SLC4A4: variants seen among roughly 807,000 people sequenced by gnomAD.
SLC4A4 encodes electrogenic sodium bicarbonate cotransporter 1.
SLC4A4 carries 27 observed loss-of-function variants against 111.5 expected under a neutral mutation model. The observed-to-expected ratio is 0.24, with a 90% CI of 0.18 to 0.33. The LOEUF is 0.33. Among genes scored for constraint, SLC4A4 ranks in the 10% least tolerant of loss-of-function variants. The pLI is 1.00. For synonymous variants in SLC4A4, 443 were observed against 463.4 expected, an observed-to-expected ratio of 0.96 and a Z score of 0.57; for missense variants, 909 against 1,315.5, an observed-to-expected ratio of 0.69 and a Z score of 4.78.
At position 71,097,622 on chromosome 4, in the gene SLC4A4, C is replaced by A. The variant is rs186008570; in HGVS notation, c.-2+4830C>A. On this transcript the variant is annotated intron_variant, in intron 2 of 26. Coordinates refer to the SLC4A4 transcript ENST00000649996. ...CACACTGCTTTCCACAATGGTTGAA[C>A]TAATTTACACTCCCACTAACAGTGT... Among the ~76,000 whole-genome samples the A allele has an allele frequency of 5.6e-4, 85 of 152,290 alleles. 1 individual carries two copies. In the East Asian group the frequency reaches 0.015, roughly 27 times the overall value.
intron 3 of SLC4A4, among the ~76,000 whole-genome samples, chr4:71,336,421 G>A (rs1467220797): frequency 1.3e-5 from 2 of 152,134 alleles, no homozygotes; most frequent in African/African-American, 4.8e-5. Flanking sequence ...TAAAGGTATA[G>A]GGAAATGGAA....
At chr4:71,490,937 G>A (rs915126872) in intron 15 of SLC4A4, among the ~76,000 whole-genome samples, 2 of 151,812 alleles carry the variant, frequency 1.3e-5, no homozygotes, top group Non-Finnish European at 2.9e-5. Flanking sequence ...GCAATAGAGT[G>A]AGACTATGTA....
chr4:71,144,243 G>T (rs1262544425), intron 2 of SLC4A4, among the ~76,000 whole-genome samples: 1 of 152,178 alleles, frequency 6.6e-6, no homozygotes, highest in Non-Finnish European at 1.5e-5. Context: ...GTTTGTCAAA[G>T]ATCAGATAGT....
chr4:71,378,144 A>G (rs1223163395), intron 6 of SLC4A4, among the ~76,000 whole-genome samples: 1 of 152,182 alleles, frequency 6.6e-6, no homozygotes, highest in East Asian at 1.9e-4. Context: ...ATTCAAGTTG[A>G]GATTTGGGTG....
rs369895008 is a variant in SLC4A4 at position 71,347,863 on chromosome 4, A to G, written c.390-2049A>G. On this transcript the variant is annotated intron_variant, in intron 4 of 25. Transcript: ENST00000264485. ...ATCTTGGGCTTAAATTCTATGACCA[A>G]ATATTCTATCCCTCAGAAAATAAGC... Among the ~76,000 whole-genome samples, 6 of 152,280 alleles carry G rather than the reference A, an allele frequency of 3.9e-5. No individual in the cohort carries two copies. The East Asian group carries it at 1.2e-3, about 29-fold the overall frequency.
chr4:71,162,916 A>G (rs1297243778), intron 2 of SLC4A4, among the ~76,000 whole-genome samples: 1 of 152,194 alleles, frequency 6.6e-6, no homozygotes, highest in East Asian at 1.9e-4. Context: ...GTTTGGGAAC[A>G]TTCTTTTTCA....
chr4:71,182,675 G>T (rs965637223), upstream of SLC4A4, among the ~76,000 whole-genome samples: 4 of 152,024 alleles, frequency 2.6e-5, no homozygotes, highest in Non-Finnish European at 1.5e-5. Context: ...ACCTTTCTGT[G>T]TCTGGGAAGT....
At chr4:71,095,199 G>T (rs1742506765) in intron 2 of SLC4A4, among the ~76,000 whole-genome samples, 1 of 152,198 alleles carries the variant, frequency 6.6e-6, no homozygotes, top group South Asian at 2.1e-4. Flanking sequence ...ACTCTTTGGT[G>T]AAATGCAGTA....
chr4:71,506,462 G>A (rs989679990), intron 16 of SLC4A4, among the ~76,000 whole-genome samples: 33 of 152,182 alleles, frequency 2.2e-4, no homozygotes, highest in African/African-American at 7.5e-4. Context: ...TTGTGAATGG[G>A]AGTTCATCTG....
At chr4:71,293,049 G>A (rs1380182969) in intron 3 of SLC4A4, among the ~76,000 whole-genome samples, 31 of 150,100 alleles carry the variant, frequency 2.1e-4, no homozygotes, top group African/African-American at 7.0e-4. Flanking sequence ...CACCATCTTG[G>A]CCAGGCTGGT....
chr4:71,338,750 G>C (rs1377735459), intron 3 of SLC4A4, among the ~76,000 whole-genome samples: 3 of 149,098 alleles, frequency 2.0e-5, no homozygotes, highest in Admixed American at 6.7e-5. Flanking sequence ...TATTTTACTT[G>C]GGCTTGTTTT....
intron 7 of SLC4A4, among the ~76,000 whole-genome samples, chr4:71,400,771 A>G (rs1209573522): frequency 6.6e-6 from 1 of 152,210 alleles, no homozygotes; most frequent in Non-Finnish European, 1.5e-5. Context: ...TAGGGCAAGA[A>G]AAAGGAAAGT....
chr4:71,358,321 A>C (rs1417875858), intron 6 of SLC4A4, among the ~76,000 whole-genome samples: 4 of 152,144 alleles, frequency 2.6e-5, no homozygotes, highest in African/African-American at 9.6e-5. Flanking sequence ...TCTGAAAAAA[A>C]AAAAAAAAGA....
At chr4:71,439,634 T>C (rs1285261353) in intron 7 of SLC4A4, among the ~76,000 whole-genome samples, 1 of 151,654 alleles carries the variant, frequency 6.6e-6, no homozygotes, top group African/African-American at 2.4e-5. Flanking sequence ...TCCTCCCCTT[T>C]TTCAGTGTTC....
chr4:71,153,178 T>A, intron 2 of SLC4A4, among the ~76,000 whole-genome samples: 1 of 151,718 alleles, frequency 6.6e-6, no homozygotes, highest in East Asian at 1.9e-4. Context: ...TGGAGTCTGA[T>A]GTTTGAGGGC....
At chr4:71,138,861 CCT>C (rs1743917108) in intron 2 of SLC4A4, among the ~76,000 whole-genome samples, 1 of 151,786 alleles carries the variant, frequency 6.6e-6, no homozygotes, top group African/African-American at 2.4e-5. Flanking sequence ...ACGGTGAAAC[CCT>C]GTCTCTACTG....
intron 4 of SLC4A4, among the ~76,000 whole-genome samples, chr4:71,348,540 A>T (rs1216698709): frequency 6.6e-6 from 1 of 152,164 alleles, no homozygotes; most frequent in Non-Finnish European, 1.5e-5. Context: ...GGGTCTTAGA[A>T]TTGTGGGTAA....
chr4:71,490,741 C>T (rs558754106), intron 15 of SLC4A4, among the ~76,000 whole-genome samples: 5 of 151,822 alleles, frequency 3.3e-5, no homozygotes, highest in East Asian at 3.9e-4. Flanking sequence ...TGGCAAAGAC[C>T]GTGAGAAAAT....
chr4:71,420,074 G>A (rs916502158), intron 7 of SLC4A4, among the ~76,000 whole-genome samples: 1 of 152,180 alleles, frequency 6.6e-6, no homozygotes, highest in Non-Finnish European at 1.5e-5. Context: ...AGGCAAAGAA[G>A]TTAAAAACTT....
Sources: allele counts gnomAD v4.1 joint callset (sites outside exome capture counted in the v4.1 genomes callset), GRCh38; gene constraint gnomAD v4.1.1; transcripts MANE v1.5; gene names NCBI Gene and HGNC (gene_info 2026-07-23, HGNC 2026-07-21).